CFAP44: variants seen among roughly 807,000 people sequenced by gnomAD.
The protein encoded by CFAP44 is cilia and flagella associated protein 44, also known as cilia- and flagella-associated protein 44.
A neutral mutation model predicts 216.2 loss-of-function variants in CFAP44; 134 were observed. The ratio of observed to expected loss-of-function variants is 0.62; its 90% CI spans 0.54 to 0.72. The LOEUF (loss-of-function observed/expected upper bound fraction) is 0.72. CFAP44 is among the 30% of genes least tolerant of loss of function. CFAP44 has a pLI of 0.00. For synonymous variants in CFAP44, 700 were observed against 727.6 expected (o/e 0.96, Z 0.61); for missense variants, 2,035 against 2,182.1 (o/e 0.93, Z 1.34).
At chr3:113,358,996 T>A (rs1950514974) in intron 21 of CFAP44, 121 bp from the exon 22 acceptor site, 1 of 1,207,240 alleles carries the variant, frequency 8.3e-7, no homozygotes, top group African/African-American at 1.5e-5. Flanking sequence ...ATAAACTCTG[T>A]CCATTACAAA....
At chr3:113,337,773 C>G (rs1252985635) in intron 24 of CFAP44, among the ~76,000 whole-genome samples, 4 of 152,032 alleles carry the variant, frequency 2.6e-5, no homozygotes, top group African/African-American at 9.7e-5. Flanking sequence ...CAACCTAAGT[C>G]TGATAACTTA....
rs541166911 is a variant in CFAP44, at chr3:113,385,132, G to GT, written c.1891-4073dup. On this transcript the variant is annotated intron_variant, in intron 15 of 34. Transcript: ENST00000393845. The stretch of plus-strand genomic sequence containing the variant: ...AAGACTTCTTCTTGCCTGCCGCCAT[G>GT]TAAGACATCCCTTAGCTCTTCCTTT... Among the ~76,000 whole-genome samples, 260 of 152,282 alleles carry GT rather than the reference G, an allele frequency of 1.7e-3. 3 individuals are homozygous for GT. Among genetic ancestry groups the GT allele is most frequent in the Admixed American group, 0.014 (213 of 15,296 alleles).
intron 22 of CFAP44, 32 bp downstream of exon 22, chr3:113,358,713 A>T (rs745683727): frequency 1.3e-6 from 2 of 1,534,678 alleles, no homozygotes; most frequent in Admixed American, 2.0e-5. Context: ...GTGCTCTCAA[A>T]CATCTTAGCT....
chr3:113,383,468 A>T (rs1370076771), intron 15 of CFAP44, among the ~76,000 whole-genome samples: 1 of 152,194 alleles, frequency 6.6e-6, no homozygotes, highest in Non-Finnish European at 1.5e-5. Context: ...CCCACCTCCA[A>T]ATACTATCAC....
intron 22 of CFAP44, among the ~76,000 whole-genome samples, chr3:113,345,417 A>G (rs191599156): frequency 6.6e-6 from 1 of 152,262 alleles, no homozygotes; most frequent in African/African-American, 2.4e-5. Flanking sequence ...GTGTGTTTCC[A>G]TACATGTGGC....
At chr3:113,297,222 TAAG>T (rs1235675680) in intron 32 of CFAP44, among the ~76,000 whole-genome samples, 1 of 152,080 alleles carries the variant, frequency 6.6e-6, no homozygotes, top group Admixed American at 6.6e-5. Flanking sequence ...CATCTAGTAT[TAAG>T]AATAGAGCAG....
chr3:113,371,360 T>C (rs1933157205), intron 18 of CFAP44, among the ~76,000 whole-genome samples: 1 of 152,186 alleles, frequency 6.6e-6, no homozygotes, highest in African/African-American at 2.4e-5. Flanking sequence ...CAAAACAGCA[T>C]GGTACTGGTA....
At chr3:113,304,235 C>A in intron 31 of CFAP44, 118 bp from the exon 32 acceptor site, 1 of 977,314 alleles carries the variant, frequency 1.0e-6, no homozygotes, top group Non-Finnish European at 1.5e-6. Flanking sequence ...TGCCTTTGGG[C>A]TTCTACGTCT....
At chr3:113,365,672 T>C (rs1455431300) in intron 19 of CFAP44, among the ~76,000 whole-genome samples, 1 of 152,182 alleles carries the variant, frequency 6.6e-6, no homozygotes, top group Non-Finnish European at 1.5e-5. Context: ...ATATGTCCTA[T>C]ATCAGCCCTT....
chr3:113,379,401 C>T lies in CFAP44; in HGVS notation c.2203G>A (p.Glu735Lys). The T allele has an allele frequency of 6.4e-7, 1 of 1,557,350 alleles. No homozygotes were observed. ...AATATTTCAGGTAATGGCTCTTCTTCCTCCTCCTCCTCCTCTTTCTCCTCT... is the reference window on the plus strand; with the variant it reads ...AATATTTCAGGTAATGGCTCTTCTTTCTCCTCCTCCTCCTCTTTCTCCTCT... ...EEEEKEEEEE[E>K]EEPLPEIFIP... The change falls in exon 17 of 35, where the codon GAA becomes AAA. Residue 735 changes from glutamate to lysine, a missense_variant. Physicochemically the swap from Glu to Lys is moderately conservative, Grantham distance 56. Coordinates refer to ENST00000393845, the MANE Select transcript of CFAP44 (RefSeq NM_001164496.2).
chr3:113,363,078 G>A (rs1950556771), intron 21 of CFAP44, 67 bp downstream of exon 21: 14 of 1,435,600 alleles, frequency 9.8e-6, no homozygotes, highest in Non-Finnish European at 1.2e-5. Context: ...TACTTGTTGG[G>A]AAAATAGTCA....
Position 113,377,490 on chromosome 3 carries a change from T to C in CFAP44, c.2298+1816A>G, listed in dbSNP as rs750358305. ...TCAGATAAAATGCCTAACATTTCCA[T>C]GCCTTGGTTTCTTCATATATAAAAT... On this transcript the variant is annotated intron_variant, in intron 17 of 34. Coordinates refer to ENST00000393845, the MANE Select transcript of CFAP44 (RefSeq NM_001164496.2). 9.9e-5 allele frequency among the ~76,000 whole-genome samples: 15 copies of C among 152,160 alleles called. No individual in the cohort carries two copies. The South Asian group carries it at 1.2e-3, about 13-fold the overall frequency.
intron 15 of CFAP44, among the ~76,000 whole-genome samples, chr3:113,391,707 G>GAA (rs59140011): frequency 1.3e-5 from 2 of 151,998 alleles, no homozygotes; most frequent in Admixed American, 6.6e-5. Flanking sequence ...CTCTATGGGG[G>GAA]AAAAAATCTA....
chr3:113,422,036 C>T (rs1321000054), intron 4 of CFAP44, among the ~76,000 whole-genome samples: 2 of 151,598 alleles, frequency 1.3e-5, no homozygotes, highest in Non-Finnish European at 2.9e-5. Flanking sequence ...TTATATAAAA[C>T]ATCTTTTAAA....
At chr3:113,329,256 T>C (rs561512924) in intron 26 of CFAP44, among the ~76,000 whole-genome samples, 2 of 152,260 alleles carry the variant, frequency 1.3e-5, no homozygotes, top group African/African-American at 2.4e-5. Flanking sequence ...GCATAAGTAA[T>C]GTGGGCGGAA....
chr3:113,323,096 C>T (rs9857414), intron 28 of CFAP44, among the ~76,000 whole-genome samples: 35,194 of 152,058 alleles, frequency 0.23, 4,315 homozygotes, highest in East Asian at 0.41. Context: ...TACCTCCAAC[C>T]AGATCCCTCC....
chr3:113,377,859 G>A (rs565229518), intron 17 of CFAP44, among the ~76,000 whole-genome samples: 1 of 152,156 alleles, frequency 6.6e-6, no homozygotes, highest in East Asian at 1.9e-4. Context: ...CACCATGTTG[G>A]CGAGAATGGT....
intron 27 of CFAP44, among the ~76,000 whole-genome samples, chr3:113,327,359 A>G (rs2107808682): frequency 6.6e-6 from 1 of 152,204 alleles, no homozygotes; most frequent in African/African-American, 2.4e-5. Context: ...ATCAAAGGCT[A>G]ACTTGTGAAA....
intron 28 of CFAP44, 97 bp downstream of exon 28, chr3:113,326,348 A>G: frequency 8.8e-7 from 1 of 1,140,282 alleles, no homozygotes; most frequent in South Asian, 2.0e-5. Flanking sequence ...TCCATGTTAT[A>G]GTGAAAAAAA....
Sources: gnomAD v4.1 joint callset for allele counts (sites outside exome capture counted in the v4.1 genomes callset) on GRCh38, gnomAD v4.1.1 for gene constraint, MANE v1.5 for transcripts, NCBI Gene and HGNC (gene_info 2026-07-23, HGNC 2026-07-21) for gene names.